The following KRT24 variants were observed in gnomAD, a reference collection of about 807,000 sequenced individuals.
The protein encoded by KRT24 is keratin 24, also known as keratin, type I cytoskeletal 24.
A neutral mutation model predicts 51.7 loss-of-function variants in KRT24; 44 were observed. The observed-to-expected ratio is 0.85, with a 90% CI of 0.67 to 1.09. The LOEUF (loss-of-function observed/expected upper bound fraction) is 1.09, where lower values mean the gene tolerates loss of function less well. Among genes scored for constraint, KRT24 ranks in the 50% least tolerant of loss-of-function variants. The pLI is 0.00. For missense variants in KRT24, 633 were observed against 647.0 expected (o/e 0.98, Z 0.24); for synonymous variants, 241 against 249.5 (o/e 0.97, Z 0.32).
In KRT24 at chr17:40,700,023, A is replaced by G; in HGVS notation, c.1118T>C (p.Ile373Thr). Reference sequence around the variant, plus strand: ...CATGGCCAGTTGGGACTGAAGCTCAATTTCCAGGGCTTGCAGGGTACGTTT... The same window carrying G: ...CATGGCCAGTTGGGACTGAAGCTCAGTTTCCAGGGCTTGCAGGGTACGTTT... Reference protein sequence around the residue: ...ELKRTLQALEIELQSQLAMKS... With the variant: ...ELKRTLQALETELQSQLAMKS... The change falls in exon 5 of 8, where the codon ATT (isoleucine) becomes ACT (threonine). Residue 373 changes from isoleucine to threonine, a missense_variant. Physicochemically the swap from Ile to Thr is moderately conservative, Grantham distance 89 (BLOSUM62 -1). Transcript: ENST00000264651. 6.2e-7 allele frequency: 1 copy of G among 1,614,200 alleles called. No individual in the cohort carries two copies. Among genetic ancestry groups the G allele is most frequent in the Non-Finnish European group, 8.5e-7 (1 of 1,180,042 alleles).
At chr17:40,699,085 C>A (rs915021113) in intron 6 of KRT24, among the ~76,000 whole-genome samples, 4 of 152,176 alleles carry the variant, frequency 2.6e-5, no homozygotes, top group Admixed American at 6.5e-5. Context: ...CCATGTTGGC[C>A]AGGCTGGTCT....
chr17:40,703,564 GGAA>G lies in KRT24; in HGVS notation c.127_129del (p.Phe43del), dbSNP rs1174558677. The G allele has an allele frequency of 6.2e-7, 1 of 1,601,802 alleles. No homozygotes were observed. Among genetic ancestry groups the G allele is most frequent in the Non-Finnish European group, 8.5e-7 (1 of 1,178,614 alleles). On this transcript the variant is annotated inframe_deletion, in exon 1 of 8. Coordinates refer to ENST00000264651, the MANE Select transcript of KRT24 (RefSeq NM_019016.3). ...AGGCTGCAGCTGCTGGCTCCTCCTCGGAAGCCCTGGGCCGAGCTGCCCCCCAGA... is the reference window on the plus strand; with the variant it reads ...AGGCTGCAGCTGCTGGCTCCTCCTCGGCCCTGGGCCGAGCTGCCCCCCAGA...
rs749993304 is a variant in KRT24 at position 40,701,268 on chromosome 17, T to C, written c.727A>G (p.Ser243Gly). The stretch of plus-strand genomic sequence containing the variant: ...AGGCCATTGATGTCAGCCTCCACGC[T>C]CTGCCGGAGACACAGCTCGTTCTCA... Reference protein sequence around the residue: ...KYENELCLRQSVEADINGLRK... With the variant: ...KYENELCLRQGVEADINGLRK... The change falls in exon 3 of 8, where the codon AGC (serine) becomes GGC (glycine). Residue 243 changes from serine to glycine, a missense_variant. Transcript: ENST00000264651. 42 of 1,613,722 alleles carry C rather than the reference T, an allele frequency of 2.6e-5. No individual in the cohort carries two copies. Among genetic ancestry groups the C allele is most frequent in the Non-Finnish European group, 3.4e-5 (40 of 1,179,944 alleles).
chr17:40,698,208 A>G lies in KRT24; in HGVS notation c.*29T>C, dbSNP rs746045714. Reference sequence around the variant, plus strand: ...GTCCTTCTTGATTTTTTTTTCTTTGAAAGACACTTTTGTTGATCTGGAAGT... The same window carrying G: ...GTCCTTCTTGATTTTTTTTTCTTTGGAAGACACTTTTGTTGATCTGGAAGT... On this transcript the variant is annotated 3_prime_UTR_variant, in exon 8 of 8. Coordinates refer to ENST00000264651, the MANE Select transcript of KRT24 (RefSeq NM_019016.3). 2 of 1,371,194 alleles carry G rather than the reference A, an allele frequency of 1.5e-6. No homozygotes were observed. The highest frequency in any genetic ancestry group is 2.1e-6 in the Non-Finnish European group (2 of 963,594). The allele number at this position is 1,371,194 out of a possible 1,614,324, so 84.9% of individuals were successfully genotyped here.
chr17:40,701,007 C>T, intron 3 of KRT24, 133 bp downstream of exon 3: 1 of 795,156 alleles, frequency 1.3e-6, no homozygotes, highest in South Asian at 1.8e-5. Flanking sequence ...AAGGGATCCC[C>T]CTGCCTCGGC....
At chr17:40,701,750 TATATATATATATATATATATATATATA>T (rs1567863015) in intron 2 of KRT24, 74 bp downstream of exon 2, 2,790 of 42,680 alleles carry the variant, frequency 0.065, 176 homozygotes, top group Middle Eastern at 0.17. Context: ...TATATATATA[TATATATATATATATATATATATATATA>T]TATTTATTTA....
At chr17:40,702,019 T>A in intron 1 of KRT24, 86 bp from the exon 2 acceptor site, 1 of 569,530 alleles carries the variant, frequency 1.8e-6, no homozygotes, top group Non-Finnish European at 3.0e-6. Context: ...CTGTTGCCTG[T>A]GTTATTAGCT....
At position 40,701,253 on chromosome 17, in the gene KRT24, T is replaced by C; in HGVS notation, c.742A>G (p.Ile248Val). The C allele has an allele frequency of 6.2e-7, 1 of 1,614,042 alleles. No individual in the cohort carries two copies. The highest frequency in any genetic ancestry group is 8.5e-7 in the Non-Finnish European group (1 of 1,179,990). Residue 248 changes from isoleucine (I) to valine (V), a missense_variant, in exon 3 of 8, where the codon ATC becomes GTC. Coordinates refer to ENST00000264651, the MANE Select transcript of KRT24 (RefSeq NM_019016.3). ...LCLRQSVEADINGLRKVLDDL... is the reference protein window; with the variant it reads ...LCLRQSVEADVNGLRKVLDDL... ...TCCAGGACTTTCCGCAGGCCATTGA[T>C]GTCAGCCTCCACGCTCTGCCGGAGA...
At chr17:40,701,985 C>T in intron 1 of KRT24, 52 bp from the exon 2 acceptor site, 1 of 911,526 alleles carries the variant, frequency 1.1e-6, no homozygotes, top group Non-Finnish European at 1.7e-6. Context: ...TACCTTGTGT[C>T]TGCATGCCTA....
intron 3 of KRT24, 96 bp downstream of exon 3, chr17:40,701,044 T>G: frequency 6.6e-5 from 83 of 1,254,302 alleles, no homozygotes; most frequent in Non-Finnish European, 8.5e-5. Context: ...ACTAAAGGCA[T>G]GAGCCACTGC....
chr17:40,701,036 T>G, intron 3 of KRT24, 104 bp downstream of exon 3: 1 of 1,164,002 alleles, frequency 8.6e-7, no homozygotes, highest in South Asian at 1.5e-5. Context: ...TAGCTGAGAC[T>G]AAAGGCATGA....
chr17:40,700,523 A>AT, intron 3 of KRT24, 140 bp from the exon 4 acceptor site: 1 of 660,616 alleles, frequency 1.5e-6, no homozygotes, highest in South Asian at 2.1e-5. Context: ...TTTACTCATG[A>AT]TTACTTTTGT....
rs1296819299 is a variant in KRT24, at chr17:40,701,892, G to A, written c.657C>T (p.His219=). ...CAGCAGCCAATCTGGCATTGTCAAT[G>A]TGCAAAATGATCCCAGCATTTTCAA... is the stretch of plus-strand genomic sequence containing the variant. ...ATVENAGIIL[H]IDNARLAADD... is the part of the protein sequence containing the mutation. The change falls in exon 2 of 8, where the codon CAC becomes CAT. Residue 219 remains histidine, a synonymous_variant. Coordinates refer to ENST00000264651, the MANE Select transcript of KRT24 (RefSeq NM_019016.3). 2 of 1,548,510 alleles carry A rather than the reference G, an allele frequency of 1.3e-6. No individual in the cohort carries two copies. Among genetic ancestry groups the A allele is most frequent in the Non-Finnish European group, 1.8e-6 (2 of 1,140,844 alleles).
rs200550767 is a variant in KRT24 at position 40,703,291 on chromosome 17, G to A, written c.403C>T (p.Leu135Phe). 1.2e-6 allele frequency: 2 copies of A among 1,613,888 alleles called. No individual in the cohort carries two copies. The highest frequency in any genetic ancestry group is 1.7e-6 in the Non-Finnish European group (2 of 1,179,972). Residue 135 changes from leucine to phenylalanine, a missense_variant, in exon 1 of 8, where the codon CTT becomes TTT. Leu to Phe is a conservative substitution (Grantham distance 22). Transcript: ENST00000264651. ...GTTTGCTTTTCCCCTCCAGAGAAAA[G>A]CCCCCCATCGCCAACACCACCTCCC... is the stretch of plus-strand genomic sequence containing the variant. Reference protein sequence around the residue: ...GMGGGVGDGGLFSGGEKQTMQ... With the variant: ...GMGGGVGDGGFFSGGEKQTMQ...
chr17:40,700,735 A>T (rs1025365515), intron 3 of KRT24, among the ~76,000 whole-genome samples: 1 of 152,048 alleles, frequency 6.6e-6, no homozygotes, highest in African/African-American at 2.4e-5. Flanking sequence ...CTGGGATTAC[A>T]GGTGCAACAG....
intron 3 of KRT24, among the ~76,000 whole-genome samples, 190 bp downstream of exon 3, chr17:40,700,950 T>C (rs1326787086): frequency 1.3e-5 from 2 of 152,110 alleles, no homozygotes; most frequent in African/African-American, 4.8e-5. Flanking sequence ...CAGGCTGGAA[T>C]CCAGTGGCAT....
At chr17:40,702,407 C>A (rs2037694400) in intron 1 of KRT24, among the ~76,000 whole-genome samples, 1 of 152,078 alleles carries the variant, frequency 6.6e-6, no homozygotes, top group Non-Finnish European at 1.5e-5. Context: ...GTATACAGCC[C>A]CAGACCTGTA....
intron 7 of KRT24, 75 bp from the exon 8 acceptor site, chr17:40,698,415 G>T: frequency 8.7e-7 from 1 of 1,143,304 alleles, no homozygotes; most frequent in South Asian, 1.3e-5. Context: ...TCAATCACAT[G>T]CATTCAACGT....
chr17:40,699,326 T>C, intron 6 of KRT24, 118 bp downstream of exon 6: 1 of 786,612 alleles, frequency 1.3e-6, no homozygotes, highest in South Asian at 1.6e-5. Flanking sequence ...GCACGCAGCC[T>C]GTGTCTGTTA....
Sources: allele counts gnomAD v4.1 joint callset (sites outside exome capture counted in the v4.1 genomes callset), GRCh38; gene constraint gnomAD v4.1.1; transcripts MANE v1.5; gene names NCBI Gene and HGNC (gene_info 2026-07-23, HGNC 2026-07-21).